Variants in TAF1 observed in about 807,000 individuals in gnomAD.
TAF1 encodes TATA-box binding protein associated factor 1.
Under a neutral mutation model 138.5 loss-of-function variants are expected in TAF1, and 2 were observed. The observed-to-expected ratio is 0.01, with a 90% CI of 0.01 to 0.05. The LOEUF (loss-of-function observed/expected upper bound fraction) is 0.05. Ranked by LOEUF, TAF1 falls within the 10% of genes least tolerant of loss-of-function variation. The pLI, the probability that TAF1 is intolerant of heterozygous loss-of-function variation, is 1.00. For missense variants in TAF1, 709 were observed against 1,478.0 expected, an observed-to-expected ratio of 0.48 and a Z score of 8.53; for synonymous variants, 437 against 503.2, an observed-to-expected ratio of 0.87 and a Z score of 1.76.
chrX:71,528,609 C>T (rs1348202136), exon 14 of TAF1: 1 of 331,381 alleles, frequency 3.0e-6, no homozygotes, highest in East Asian at 9.7e-5. Context: ...AGGTCCTGCT[C>T]TACCCGATTC....
chrX:71,370,703 C>T (rs769549451), intron 3 of TAF1, among the ~76,000 whole-genome samples: 13 of 111,596 alleles, frequency 1.2e-4, no homozygotes, highest in Non-Finnish European at 3.8e-5. Context: ...TCCACCTCTT[C>T]GAACTAGATT....
intron 14 of TAF1, among the ~76,000 whole-genome samples, chrX:71,386,652 A>T (rs964658107): frequency 8.9e-6 from 1 of 112,231 alleles, no homozygotes; most frequent in Non-Finnish European, 1.9e-5. Flanking sequence ...TTCTGTAGAG[A>T]TGGGGTTTTG....
At chrX:71,486,147 C>T (rs1421509066) in intron 13 of TAF1, among the ~76,000 whole-genome samples, 4 of 108,915 alleles carry the variant, frequency 3.7e-5, no homozygotes, top group Non-Finnish European at 5.7e-5. Flanking sequence ...TTTGACCTTT[C>T]GGGCTCAGGT....
intron 13 of TAF1, among the ~76,000 whole-genome samples, chrX:71,487,183 T>C (rs758791669): frequency 6.4e-5 from 7 of 108,694 alleles, no homozygotes; most frequent in Non-Finnish European, 1.3e-4. Flanking sequence ...CCCCAGCTCA[T>C]TGATGATCTG....
chrX:71,519,309 C>G (rs1280173412), intron 13 of TAF1, among the ~76,000 whole-genome samples: 1 of 99,572 alleles, frequency 1.0e-5, no homozygotes, highest in Non-Finnish European at 2.0e-5. Context: ...GGCGACAGAG[C>G]GAGACTCCGT....
intron 32 of TAF1, among the ~76,000 whole-genome samples, chrX:71,424,621 C>G (rs183027068): frequency 1.8e-5 from 2 of 110,213 alleles, no homozygotes; most frequent in Non-Finnish European, 1.9e-5. Context: ...CCTAGTCTTT[C>G]TATTTATTTA....
intron 28 of TAF1, 123 bp from the exon 29 acceptor site, chrX:71,421,186 A>G: frequency 1.8e-6 from 1 of 566,823 alleles, no homozygotes; most frequent in East Asian, 3.6e-5. Context: ...TGTCTAACCC[A>G]TCAGTTAGCC....
At chrX:71,512,231 C>T (rs1325526013) in intron 13 of TAF1, among the ~76,000 whole-genome samples, 1 of 111,254 alleles carries the variant, frequency 9.0e-6, no homozygotes, top group Admixed American at 9.6e-5. Flanking sequence ...AAGAGAATGG[C>T]GTGCACCTGG....
chrX:71,388,002 AG>A (rs2034342108), intron 15 of TAF1, among the ~76,000 whole-genome samples: 1 of 111,526 alleles, frequency 9.0e-6, no homozygotes, highest in Admixed American at 9.6e-5. Context: ...CTGGAGGCTG[AG>A]GCAGGAAAAT....
intron 34 of TAF1, among the ~76,000 whole-genome samples, chrX:71,455,613 C>A (rs2038243340): frequency 8.9e-6 from 1 of 112,076 alleles, no homozygotes; most frequent in African/African-American, 3.2e-5. Flanking sequence ...AGTTCTCCTG[C>A]TGTCTAGCTT....
chrX:71,481,675 A>G (rs1210451323), intron 13 of TAF1, among the ~76,000 whole-genome samples: 1 of 111,634 alleles, frequency 9.0e-6, no homozygotes, highest in Non-Finnish European at 1.9e-5. Flanking sequence ...CTCCTGCCTC[A>G]GCCTCCTGAG....
At chrX:71,375,132 G>T (rs772683896) in intron 3 of TAF1, 35 bp from the exon 4 acceptor site, 1 of 1,188,202 alleles carries the variant, frequency 8.4e-7, no homozygotes, top group Admixed American at 2.4e-5. Context: ...ATAATATTTT[G>T]GATATTGAGG....
At chrX:71,399,960 G>T (rs2035087533) in intron 24 of TAF1, among the ~76,000 whole-genome samples, 1 of 110,174 alleles carries the variant, frequency 9.1e-6, no homozygotes, top group South Asian at 3.8e-4. Flanking sequence ...TTGAACTCCT[G>T]ACCTCAGGTG....
intron 13 of TAF1, among the ~76,000 whole-genome samples, chrX:71,495,431 C>T (rs1041978570): frequency 2.7e-5 from 3 of 111,776 alleles, no homozygotes; most frequent in Non-Finnish European, 5.6e-5. Flanking sequence ...TCGCCCAATT[C>T]CAGAGGTTGG....
intron 24 of TAF1, among the ~76,000 whole-genome samples, chrX:71,400,157 T>A (rs1490926444): frequency 1.8e-5 from 2 of 110,056 alleles, no homozygotes; most frequent in Admixed American, 2.0e-4. Flanking sequence ...TGGTGTGATC[T>A]CCACTTACTG....
At chrX:71,506,830 T>C (rs1225607412) in intron 13 of TAF1, among the ~76,000 whole-genome samples, 2 of 112,211 alleles carry the variant, frequency 1.8e-5, no homozygotes, top group Non-Finnish European at 3.8e-5. Context: ...TCACAATGGC[T>C]AAAAGGTGAA....
chrX:71,380,788 T>A (rs1659076975), intron 8 of TAF1, among the ~76,000 whole-genome samples: 1 of 111,967 alleles, frequency 8.9e-6, no homozygotes, highest in South Asian at 3.7e-4. Flanking sequence ...CCTCCCAGGT[T>A]GAAGTGATTC....
intron 30 of TAF1, 95 bp downstream of exon 30, chrX:71,423,334 T>A (rs912878180): frequency 2.6e-6 from 3 of 1,134,868 alleles, no homozygotes; most frequent in Non-Finnish European, 3.5e-6. Context: ...AGAGTCTGAG[T>A]GGTGGTGTAT....
intron 2 of TAF1, 84 bp downstream of exon 2, chrX:71,367,697 GT>G (rs2032658867): frequency 9.5e-7 from 1 of 1,047,374 alleles, no homozygotes; most frequent in Non-Finnish European, 1.3e-6. Flanking sequence ...GTAAGACGGA[GT>G]TTCGCTCTGT....
Sources: allele counts gnomAD v4.1 joint callset (sites outside exome capture counted in the v4.1 genomes callset), GRCh38; gene constraint gnomAD v4.1.1; transcripts MANE v1.5; gene names NCBI Gene and HGNC (gene_info 2026-07-23, HGNC 2026-07-21).